The following SLC4A4 variants were observed in gnomAD, a reference collection of about 807,000 sequenced individuals.
SLC4A4 encodes the protein solute carrier family 4 member 4.
SLC4A4 carries 27 observed loss-of-function variants against 111.5 expected under a neutral mutation model. That is an observed-to-expected ratio of 0.24 (90% CI 0.18 to 0.33). SLC4A4 has a LOEUF of 0.33. SLC4A4 is among the 10% of genes least tolerant of loss of function. SLC4A4 has a pLI of 1.00. For synonymous variants in SLC4A4, 443 were observed against 463.4 expected (o/e 0.96, Z 0.57); for missense variants, 909 against 1,315.5 (o/e 0.69, Z 4.78).
At chr4:71,387,721 T>C (rs1349351943) in intron 6 of SLC4A4, among the ~76,000 whole-genome samples, 3 of 152,162 alleles carry the variant, frequency 2.0e-5, no homozygotes, top group Admixed American at 6.5e-5. Context: ...CTCAAACTCC[T>C]GACCTCAGGT....
At chr4:71,439,435 C>CAAAAAAAAAAAAAAAAAAAAAA in intron 7 of SLC4A4, among the ~76,000 whole-genome samples, 1 of 34,186 alleles carries the variant, frequency 2.9e-5, no homozygotes, top group Non-Finnish European at 5.5e-5. Context: ...GACTCTGTCT[C>CAAAAAAAAAAAAAAAAAAAAAA]AAAAAAAAAA....
chr4:71,106,092 C>A (rs1164116820), intron 2 of SLC4A4, among the ~76,000 whole-genome samples: 3 of 148,630 alleles, frequency 2.0e-5, no homozygotes, highest in Non-Finnish European at 3.0e-5. Context: ...AACAAACAAC[C>A]CCATCAAAAA....
At chr4:71,339,341 G>A (rs754721038) in intron 3 of SLC4A4, 29 bp from the exon 4 acceptor site, 1 of 1,614,186 alleles carries the variant, frequency 6.2e-7, no homozygotes, top group South Asian at 1.1e-5. Flanking sequence ...TCCAGCCAAT[G>A]TTTAACCACA....
rs1560597043 is a variant in SLC4A4, at chr4:71,535,873, C to CAAA, written c.2442+1485_2442+1486insAAA. Among the ~76,000 whole-genome samples, 48 of 151,234 alleles carry CAAA rather than the reference C, an allele frequency of 3.2e-4. No individual in the cohort carries two copies. In the East Asian group the frequency reaches 6.3e-3, roughly 20 times the overall value. ...AAAACAAACAAACAAAACAAACAAA[C>CAAA]CAACAAAAAAACTAGACTGTCACTA... On this transcript the variant is annotated intron_variant, in intron 18 of 25. Transcript: ENST00000264485.
chr4:71,559,551 G>A (rs1736769688), intron 22 of SLC4A4, among the ~76,000 whole-genome samples: 1 of 151,766 alleles, frequency 6.6e-6, no homozygotes, highest in Admixed American at 6.6e-5. Context: ...TAATGTCTGG[G>A]ACATGTTAAA....
chr4:71,568,353 A>G lies in SLC4A4; in HGVS notation c.*602A>G, dbSNP rs1737682869. 6.5e-6 allele frequency: 1 copy of G among 153,026 alleles called. No homozygotes were observed. Among genetic ancestry groups the G allele is most frequent in the Admixed American group, 6.6e-5 (1 of 15,196 alleles). 9.5% of individuals were successfully genotyped at this position (153,026 alleles called of 1,614,324 possible). A position where few individuals can be genotyped will look rare whatever the true frequency, so the allele number is the denominator to read the frequency against. ...CTTCTCACTTATAGAGCTCTCCAGGACTGGAAAAAGTGCTGCTATTTTAAC... is the reference window on the plus strand; with the variant it reads ...CTTCTCACTTATAGAGCTCTCCAGGGCTGGAAAAAGTGCTGCTATTTTAAC... On this transcript the variant is annotated 3_prime_UTR_variant, in exon 26 of 26. Coordinates refer to ENST00000264485, the MANE Select transcript of SLC4A4 (RefSeq NM_001098484.3).
At chr4:71,460,842 A>C (rs1003292259) in intron 12 of SLC4A4, among the ~76,000 whole-genome samples, 5 of 152,194 alleles carry the variant, frequency 3.3e-5, no homozygotes, top group South Asian at 2.1e-4. Context: ...GTTCTGATTT[A>C]ATTGTTTAGG....
At chr4:71,449,839 A>G (rs1260430071) in intron 9 of SLC4A4, among the ~76,000 whole-genome samples, 1 of 152,226 alleles carries the variant, frequency 6.6e-6, no homozygotes, top group Admixed American at 6.5e-5. Flanking sequence ...TTGCTAAAAG[A>G]TAGACAGATG....
At chr4:71,184,378 C>T (rs1419311177), upstream of SLC4A4, among the ~76,000 whole-genome samples, 1 of 152,186 alleles carries the variant, frequency 6.6e-6, no homozygotes, top group Non-Finnish European at 1.5e-5. Context: ...TCGTCATCAC[C>T]TGCTGCCACT....
At chr4:71,371,315 C>CT (rs1420092268) in intron 6 of SLC4A4, among the ~76,000 whole-genome samples, 1 of 142,492 alleles carries the variant, frequency 7.0e-6, no homozygotes, top group Admixed American at 7.5e-5. Flanking sequence ...TTGATCTCGG[C>CT]TTACTGCAAC....
chr4:71,260,290 C>G (rs1282074009), intron 3 of SLC4A4, among the ~76,000 whole-genome samples: 1 of 152,162 alleles, frequency 6.6e-6, no homozygotes, highest in Non-Finnish European at 1.5e-5. Context: ...GCACACCCCT[C>G]CCAACCTGAC....
Position 71,068,433 on chromosome 4 carries a change from G to A in SLC4A4, c.-65+5645G>A, listed in dbSNP as rs1578448366. ...TCACCACCACCCAGATCAAAATACA[G>A]ACCATTTTTGGTACCGTCAGACTCT... On this transcript the variant is annotated intron_variant, in intron 1 of 26. Coordinates refer to the SLC4A4 transcript ENST00000649996. Among the ~76,000 whole-genome samples, 3 of 152,108 alleles carry A rather than the reference G, an allele frequency of 2.0e-5. No individual in the cohort carries two copies. In the South Asian group the frequency reaches 6.2e-4, roughly 32 times the overall value.
chr4:71,480,176 C>T (rs1051939491), intron 14 of SLC4A4, among the ~76,000 whole-genome samples: 1 of 151,414 alleles, frequency 6.6e-6, no homozygotes, highest in African/African-American at 2.4e-5. Flanking sequence ...CACATGCTAC[C>T]ATGCCCAGCT....
Position 71,567,809 on chromosome 4 carries a change from A to C in SLC4A4, c.*58A>C, listed in dbSNP as rs1449338618. On this transcript the variant is annotated 3_prime_UTR_variant, in exon 26 of 26. Coordinates refer to ENST00000264485, the MANE Select transcript of SLC4A4 (RefSeq NM_001098484.3). ...CTAGTCCTCCTAGAACTCCAGTAAA[A>C]GTTGTGCCTCAAATTAGAATAGAAC... 1 of 1,537,894 alleles carries C rather than the reference A, an allele frequency of 6.5e-7. No homozygotes were observed. The highest frequency in any genetic ancestry group is 2.4e-5 in the East Asian group (1 of 41,792).
At chr4:71,412,372 G>C (rs1721432981) in intron 7 of SLC4A4, among the ~76,000 whole-genome samples, 1 of 152,218 alleles carries the variant, frequency 6.6e-6, no homozygotes. Context: ...AACTTTTAGA[G>C]ATGAGAAAGC....
chr4:71,240,598 A>G (rs887251713), intron 2 of SLC4A4, among the ~76,000 whole-genome samples: 1 of 152,152 alleles, frequency 6.6e-6, no homozygotes, highest in Non-Finnish European at 1.5e-5. Context: ...ATGTCTACTG[A>G]TGGACATTAG....
intron 5 of SLC4A4, among the ~76,000 whole-genome samples, chr4:71,351,653 G>A (rs1019217321): frequency 6.6e-6 from 1 of 152,172 alleles, no homozygotes; most frequent in African/African-American, 2.4e-5. Context: ...TCAGGAGTTC[G>A]AGACCAGTCT....
At chr4:71,425,395 C>T (rs1345718202) in intron 7 of SLC4A4, among the ~76,000 whole-genome samples, 1 of 152,114 alleles carries the variant, frequency 6.6e-6, no homozygotes. Context: ...CAAACCTGAA[C>T]CATGAGTCTT....
intron 1 of SLC4A4, among the ~76,000 whole-genome samples, chr4:71,219,158 A>G (rs1042475644): frequency 6.6e-6 from 1 of 152,250 alleles, no homozygotes; most frequent in African/African-American, 2.4e-5. Flanking sequence ...TTAGTGAGGA[A>G]GGCATCTCAA....
Sources: allele counts gnomAD v4.1 joint callset (sites outside exome capture counted in the v4.1 genomes callset), GRCh38; gene constraint gnomAD v4.1.1; transcripts MANE v1.5; gene names NCBI Gene and HGNC (gene_info 2026-07-23, HGNC 2026-07-21).